The following PKHD1L1 variants were observed in gnomAD, a reference collection of about 807,000 sequenced individuals.
PKHD1L1 encodes the protein PKHD1 like 1.
In PKHD1L1, 434 loss-of-function variants were observed where a neutral mutation model predicts 462.9. The ratio of observed to expected loss-of-function variants is 0.94; its 90% CI spans 0.87 to 1.02. The LOEUF is 1.02. Ranked by LOEUF, PKHD1L1 falls within the 50% of genes least tolerant of loss-of-function variation. The probability of loss-of-function intolerance (pLI) is 0.00; values close to 1 mark genes in which losing one functional copy is unlikely to be tolerated. For synonymous variants in PKHD1L1, 1,781 were observed against 1,750.0 expected, an observed-to-expected ratio of 1.02 and a Z score of -0.44; for missense variants, 5,202 against 5,096.1, an observed-to-expected ratio of 1.02 and a Z score of -0.63.
chr8:109,471,022 TAA>T (rs1817688069), intron 50 of PKHD1L1: 1 of 1,608,894 alleles, frequency 6.2e-7, no homozygotes, highest in South Asian at 1.1e-5. Flanking sequence ...GGTCACCACT[TAA>T]GTCAATACAG....
chr8:109,522,990 G>A, intron 75 of PKHD1L1, 100 bp downstream of exon 75: 1 of 1,259,160 alleles, frequency 7.9e-7, no homozygotes, highest in Non-Finnish European at 1.1e-6. Flanking sequence ...GCAGCCTGAG[G>A]ATCACACGGC....
intron 49 of PKHD1L1, 82 bp downstream of exon 49, chr8:109,465,327 T>A: frequency 7.1e-7 from 1 of 1,417,580 alleles, no homozygotes; most frequent in Non-Finnish European, 9.5e-7. Flanking sequence ...TAAAGCAGAC[T>A]TAGGTGCCTT....
In PKHD1L1 at chr8:109,493,747, C is replaced by T. The variant is rs758681730; in HGVS notation, c.10323C>T (p.Cys3441=). 1.3e-6 allele frequency: 2 copies of T among 1,592,952 alleles called. No homozygotes were observed. The highest frequency in any genetic ancestry group is 2.3e-5 in the South Asian group (2 of 87,334). Reference sequence around the variant, plus strand: ...GATACCGCATTGATGGTGAACCTTGCCCAGGTAAGTCTTTTAAACCAGGAA... The same window carrying T: ...GATACCGCATTGATGGTGAACCTTGTCCAGGTAAGTCTTTTAAACCAGGAA... The part of the protein sequence containing the change: ...RAGYRIDGEP[C]PGQFNPVEKW... The change falls in exon 63 of 78, where the codon TGC becomes TGT. Residue 3441 remains cysteine (C), a synonymous_variant. Transcript: ENST00000378402.
chr8:109,366,517 A>C (rs971565010), intron 2 of PKHD1L1, among the ~76,000 whole-genome samples: 1 of 152,216 alleles, frequency 6.6e-6, no homozygotes, highest in Non-Finnish European at 1.5e-5. Flanking sequence ...TAAATCCTAG[A>C]GATCTACTGT....
At position 109,424,197 on chromosome 8, in the gene PKHD1L1, T is replaced by C. The variant is rs142687097; in HGVS notation, c.2698-888T>C. 3.9e-5 allele frequency among the ~76,000 whole-genome samples: 6 copies of C among 152,308 alleles called. No homozygotes were observed. The East Asian group carries it at 1.2e-3, about 29-fold the overall frequency. ...TTTTCGATTGTTCTTAAACTTCATA[T>C]CAATAAAATCATACTGTGTGTACTC... On this transcript the variant is annotated intron_variant, in intron 23 of 77. Transcript: ENST00000378402.
At chr8:109,459,474 A>G in intron 46 of PKHD1L1, 121 bp from the exon 47 acceptor site, 1 of 665,074 alleles carries the variant, frequency 1.5e-6, no homozygotes, top group Non-Finnish European at 2.3e-6. Flanking sequence ...AGAATATTAT[A>G]TGACATAAGA....
In PKHD1L1 at chr8:109,475,107, T is replaced by C; in HGVS notation, c.8606-11T>C. The C allele has an allele frequency of 6.3e-7, 1 of 1,588,412 alleles. No homozygotes were observed. Among genetic ancestry groups the C allele is most frequent in the Non-Finnish European group, 8.5e-7 (1 of 1,170,574 alleles). On this transcript the variant is annotated splice_polypyrimidine_tract_variant and intron_variant, in intron 50 of 77. Transcript: ENST00000378402. ...ATTACTATTATTTTCTTGTTCTATG[T>C]TCTCCTATAGGCACAAGCATTATTC...
Position 109,479,536 on chromosome 8 carries a change from CTCT to C in PKHD1L1, c.9090-11_9090-9del. On this transcript the variant is annotated splice_polypyrimidine_tract_variant and intron_variant, in intron 53 of 77. Coordinates refer to ENST00000378402, the MANE Select transcript of PKHD1L1 (RefSeq NM_177531.6). ...CAAGTAGTAATTCATGGAAGTATTT[CTCT>C]TCTCTTTTCAGTTTATGGTCAAATG... 7.0e-7 allele frequency: 1 copy of C among 1,429,538 alleles called. No individual in the cohort carries two copies. The highest frequency in any genetic ancestry group is 9.7e-7 in the Non-Finnish European group (1 of 1,033,370). 88.6% of individuals were successfully genotyped at this position (1,429,538 alleles called of 1,614,324 possible).
intron 71 of PKHD1L1, among the ~76,000 whole-genome samples, chr8:109,511,359 A>G (rs35211678): frequency 0.46 from 50,867 of 109,912 alleles, 10,943 homozygotes; most frequent in South Asian, 0.6. Flanking sequence ...CCCACCCCAC[A>G]ACAGTCCCCA....
chr8:109,532,416 T>C lies in PKHD1L1; in HGVS notation c.*2326T>C, dbSNP rs2131066243. On this transcript the variant is annotated 3_prime_UTR_variant, in exon 78 of 78. Transcript: ENST00000378402. ...TCCATGGGCAATACATCTTCACATG[T>C]CCCTTATTCATATGCTAAGCAAGTT... Among the ~76,000 whole-genome samples, 1 of 152,346 alleles carries C rather than the reference T, an allele frequency of 6.6e-6. No homozygotes were observed. Among genetic ancestry groups the C allele is most frequent in the African/African-American group, 2.4e-5 (1 of 41,590 alleles).
intron 47 of PKHD1L1, among the ~76,000 whole-genome samples, chr8:109,461,134 C>A (rs754002876): frequency 1.3e-5 from 2 of 152,148 alleles, no homozygotes; most frequent in Admixed American, 6.6e-5. Context: ...TTACATGTCT[C>A]TTTTAAATTT....
At chr8:109,462,946 G>A (rs191941922) in intron 48 of PKHD1L1, among the ~76,000 whole-genome samples, 167 of 152,122 alleles carry the variant, frequency 1.1e-3, no homozygotes, top group African/African-American at 3.4e-3. Context: ...CTCCAGAGAG[G>A]ACTTTTCTCA....
intron 76 of PKHD1L1, among the ~76,000 whole-genome samples, chr8:109,525,168 G>A (rs1223737583): frequency 6.6e-6 from 1 of 152,150 alleles, no homozygotes; most frequent in Non-Finnish European, 1.5e-5. Flanking sequence ...CGGCCTGACA[G>A]CACAGCACCC....
chr8:109,448,293 C>G lies in PKHD1L1; in HGVS notation c.5927C>G (p.Thr1976Arg), dbSNP rs373261123. Residue 1976 changes from threonine (T) to arginine (R), a missense_variant, in exon 39 of 78, where the codon ACA becomes AGA. Thr to Arg is a moderately conservative substitution (Grantham distance 71). Coordinates refer to ENST00000378402, the MANE Select transcript of PKHD1L1 (RefSeq NM_177531.6). ...ATCGTGGGAGATCATGCTGGGGGCACATTTCCTGTTATGATGCATCATAAG... is the reference window on the plus strand; with the variant it reads ...ATCGTGGGAGATCATGCTGGGGGCAGATTTCCTGTTATGATGCATCATAAG... Reference protein sequence around the residue: ...QCIVGDHAGGTFPVMMHHKTK... With the variant: ...QCIVGDHAGGRFPVMMHHKTK... 1.3e-5 allele frequency: 21 copies of G among 1,613,358 alleles called. No homozygotes were observed. The highest frequency in any genetic ancestry group is 1.7e-5 in the Non-Finnish European group (20 of 1,179,776).
chr8:109,430,527 T>C (rs1815038954), intron 27 of PKHD1L1, among the ~76,000 whole-genome samples: 1 of 152,188 alleles, frequency 6.6e-6, no homozygotes, highest in Non-Finnish European at 1.5e-5. Context: ...TGCCATGAAC[T>C]CAATCTAAGG....
intron 9 of PKHD1L1, among the ~76,000 whole-genome samples, chr8:109,391,497 G>T (rs752021482): frequency 1.2e-4 from 18 of 152,058 alleles, no homozygotes; most frequent in Non-Finnish European, 2.4e-4. Context: ...ATAGTAACTG[G>T]GTATGTTAAT....
chr8:109,408,528 T>C (rs540716060), intron 18 of PKHD1L1, among the ~76,000 whole-genome samples: 7 of 152,312 alleles, frequency 4.6e-5, no homozygotes, highest in African/African-American at 1.7e-4. Context: ...CAATTTGTTA[T>C]CCTGTAAAAT....
chr8:109,448,517 GTT>G (rs375857031), intron 39 of PKHD1L1, 126 bp downstream of exon 39: 790 of 923,678 alleles, frequency 8.6e-4, no homozygotes, highest in South Asian at 1.6e-3. Context: ...TGTTTGTTTG[GTT>G]TTTTTTTTTT....
rs1001988053 is a variant in PKHD1L1, at chr8:109,464,721, AT to A, written c.7892del (p.Phe2631SerfsTer44). 6.2e-7 allele frequency: 1 copy of A among 1,613,798 alleles called. No homozygotes were observed. Among genetic ancestry groups the A allele is most frequent in the African/African-American group, 1.3e-5 (1 of 75,018 alleles). On this transcript the variant is annotated frameshift_variant, in exon 49 of 78. Coordinates refer to ENST00000378402, the MANE Select transcript of PKHD1L1 (RefSeq NM_177531.6). LOFTEE classifies it high-confidence loss of function. ...GWFGMWIFEE[Y>X]FPMQTGSCTS... ...TTTGGAATGTGGATCTTTGAGGAAT[AT>A]TTCCCCATGCAAACGGGATCTTGTA...
Sources: allele counts gnomAD v4.1 joint callset (sites outside exome capture counted in the v4.1 genomes callset), GRCh38; gene constraint gnomAD v4.1.1; transcripts MANE v1.5; gene names NCBI Gene and HGNC (gene_info 2026-07-23, HGNC 2026-07-21).